RPRD2: variants seen among roughly 807,000 people sequenced by gnomAD.
RPRD2 encodes regulation of nuclear pre-mRNA domain containing 2.
A neutral mutation model predicts 104.4 loss-of-function variants in RPRD2; 12 were observed. That is an observed-to-expected ratio of 0.11 (90% confidence interval 0.07 to 0.19). The LOEUF (loss-of-function observed/expected upper bound fraction) is 0.19. Among genes scored for constraint, RPRD2 ranks in the 10% least tolerant of loss-of-function variants. RPRD2 has a pLI of 1.00. For synonymous variants in RPRD2, 714 were observed against 684.9 expected, an observed-to-expected ratio of 1.04 and a Z score of -0.66; for missense variants, 1,543 against 1,790.1, an observed-to-expected ratio of 0.86 and a Z score of 2.49.
At chr1:150,392,559 T>C (rs1662172317) in intron 1 of RPRD2, among the ~76,000 whole-genome samples, 2 of 152,158 alleles carry the variant, frequency 1.3e-5, no homozygotes, top group South Asian at 4.1e-4. Context: ...GGGAGAACAA[T>C]TTAAAAAATA....
At position 150,460,134 on chromosome 1, in the gene RPRD2, A is replaced by C; in HGVS notation, c.1228A>C (p.Ile410Leu). 6.2e-7 allele frequency: 1 copy of C among 1,613,928 alleles called. No homozygotes were observed. ...TGTACCTACAAAGCCAACAGAAAATATCTCAAAGGCCTCTTCATGTACCCC... is the reference window on the plus strand; with the variant it reads ...TGTACCTACAAAGCCAACAGAAAATCTCTCAAAGGCCTCTTCATGTACCCC... ...TSVPTKPTEN[I>L]SKASSCTPVP... The change falls in exon 9 of 11, where the codon ATC (isoleucine) becomes CTC (leucine). Residue 410 changes from isoleucine (I) to leucine (L), a missense_variant. Physicochemically the swap from Ile to Leu is conservative, Grantham distance 5. Around this residue, in one of 4 missense-constraint regions of RPRD2, gnomAD observed 572 missense variants for 787.3 expected, o/e 0.73. Transcript: ENST00000369068.
chr1:150,455,977 C>T (rs1384628115), intron 7 of RPRD2, among the ~76,000 whole-genome samples: 3 of 152,028 alleles, frequency 2.0e-5, no homozygotes, highest in Non-Finnish European at 2.9e-5. Context: ...CAGGCGCATG[C>T]TACTATGCCC....
In RPRD2 at chr1:150,464,698, C is replaced by T. The variant is rs782277614; in HGVS notation, c.1583C>T (p.Thr528Ile). The T allele has an allele frequency of 6.2e-7, 1 of 1,612,954 alleles. No homozygotes were observed. Among genetic ancestry groups the T allele is most frequent in the East Asian group, 2.2e-5 (1 of 44,872 alleles). Residue 528 changes from threonine to isoleucine, a missense_variant, in exon 10 of 11, where the codon ACC (threonine) becomes ATC (isoleucine). Thr to Ile is a moderately conservative substitution (Grantham distance 89, BLOSUM62 -1). Around this residue, in one of 4 missense-constraint regions of RPRD2, gnomAD observed 572 missense variants for 787.3 expected, o/e 0.73. Coordinates refer to ENST00000369068, the MANE Select transcript of RPRD2 (RefSeq NM_015203.5). ...PESILSALSK[T>I]QTQSAPALQG... Reference sequence around the variant, plus strand: ...AGCATTCTGTCTGCACTTTCCAAAACCCAGACACAGTCAGCCCCTGCACTG... The same window carrying T: ...AGCATTCTGTCTGCACTTTCCAAAATCCAGACACAGTCAGCCCCTGCACTG...
At chr1:150,394,610 G>C (rs2102191869) in intron 1 of RPRD2, among the ~76,000 whole-genome samples, 1 of 150,936 alleles carries the variant, frequency 6.6e-6, no homozygotes, top group Non-Finnish European at 1.5e-5. Context: ...TTTTTGTTTT[G>C]AGACGAAGTC....
intron 1 of RPRD2, among the ~76,000 whole-genome samples, chr1:150,368,150 T>A (rs1239751103): frequency 6.6e-6 from 1 of 150,982 alleles, no homozygotes; most frequent in Non-Finnish European, 1.5e-5. Flanking sequence ...ATTGTTTAGA[T>A]CAAATCTCAA....
intron 2 of RPRD2, among the ~76,000 whole-genome samples, chr1:150,438,561 G>A (rs1314504505): frequency 6.6e-6 from 1 of 151,878 alleles, no homozygotes; most frequent in Non-Finnish European, 1.5e-5. Context: ...CCCAGGAGGC[G>A]GAAGTTGCAG....
chr1:150,402,547 A>G (rs1663122758), intron 1 of RPRD2, among the ~76,000 whole-genome samples: 1 of 152,152 alleles, frequency 6.6e-6, no homozygotes, highest in African/African-American at 2.4e-5. Flanking sequence ...GTGGTGGCAC[A>G]TGCCTGTGGT....
At chr1:150,389,224 A>G (rs974748558) in intron 1 of RPRD2, among the ~76,000 whole-genome samples, 12 of 151,676 alleles carry the variant, frequency 7.9e-5, no homozygotes, top group Non-Finnish European at 1.5e-4. Context: ...TAATTTTTGT[A>G]ATTTCTGTAG....
At chr1:150,398,105 A>G (rs1250522330) in intron 1 of RPRD2, among the ~76,000 whole-genome samples, 3 of 151,332 alleles carry the variant, frequency 2.0e-5, no homozygotes, top group African/African-American at 7.3e-5. Context: ...CTCCTGCCTC[A>G]GCACCCCACC....
At chr1:150,366,450 C>A (rs1572327463) in intron 1 of RPRD2, among the ~76,000 whole-genome samples, 1 of 152,242 alleles carries the variant, frequency 6.6e-6, no homozygotes, top group Non-Finnish European at 1.5e-5. Context: ...TACCAATAAC[C>A]GATCAAAGAG....
At chr1:150,469,757 T>C (rs1180695661) in intron 10 of RPRD2, among the ~76,000 whole-genome samples, 1 of 152,224 alleles carries the variant, frequency 6.6e-6, no homozygotes, top group African/African-American at 2.4e-5. Context: ...TGAGAAAGTT[T>C]TGACTGTCAG....
At chr1:150,376,651 C>T (rs1451504380) in intron 1 of RPRD2, among the ~76,000 whole-genome samples, 2 of 151,768 alleles carry the variant, frequency 1.3e-5, no homozygotes, top group Non-Finnish European at 2.9e-5. Context: ...CAGGCGCCCG[C>T]CACCACGCCC....
chr1:150,384,503 C>T (rs1305610008), intron 1 of RPRD2, among the ~76,000 whole-genome samples: 5 of 144,114 alleles, frequency 3.5e-5, no homozygotes, highest in African/African-American at 1.3e-4. Flanking sequence ...AGGGATGGAG[C>T]TCTTGTTGCC....
intron 1 of RPRD2, among the ~76,000 whole-genome samples, chr1:150,390,802 T>C (rs897798636): frequency 1.3e-5 from 2 of 152,152 alleles, no homozygotes; most frequent in African/African-American, 2.4e-5. Context: ...CATGTGTGAT[T>C]GAAGTCTTAT....
intron 1 of RPRD2, among the ~76,000 whole-genome samples, chr1:150,409,302 A>G (rs1553887226): frequency 6.6e-6 from 1 of 152,122 alleles, no homozygotes; most frequent in Non-Finnish European, 1.5e-5. Flanking sequence ...CCTAGCCCCT[A>G]CCTAATGCTG....
intron 1 of RPRD2, among the ~76,000 whole-genome samples, chr1:150,384,683 T>TGTG (rs1560155301): frequency 0.11 from 12,859 of 116,950 alleles, 725 homozygotes; most frequent in Non-Finnish European, 0.15. Flanking sequence ...GTGTGTGTGT[T>TGTG]TTTAGTAGAG....
intron 2 of RPRD2, among the ~76,000 whole-genome samples, chr1:150,426,820 T>A (rs934881796): frequency 6.6e-6 from 1 of 152,134 alleles, no homozygotes; most frequent in Non-Finnish European, 1.5e-5. Context: ...ACAATACGAA[T>A]GTACTTAATG....
chr1:150,466,626 TTTTA>T (rs782201411), intron 10 of RPRD2, among the ~76,000 whole-genome samples: 1 of 152,078 alleles, frequency 6.6e-6, no homozygotes, highest in South Asian at 2.1e-4. Context: ...TTATTTATTA[TTTTA>T]TTTATTATTT....
At chr1:150,446,887 G>A (rs1553895626) in intron 7 of RPRD2, among the ~76,000 whole-genome samples, 2 of 142,428 alleles carry the variant, frequency 1.4e-5, no homozygotes, top group East Asian at 4.0e-4. Flanking sequence ...CCAGGCTAGA[G>A]TGCAGTGGTG....
Sources: gnomAD v4.1 joint callset for allele counts (sites outside exome capture counted in the v4.1 genomes callset) on GRCh38, gnomAD v4.1.1 for gene constraint, gnomAD v4.1.1 regional missense constraint, MANE v1.5 for transcripts, NCBI Gene and HGNC (gene_info 2026-07-23, HGNC 2026-07-21) for gene names.